Variants in TMEM51 observed in about 807,000 individuals in gnomAD.
TMEM51 encodes transmembrane protein 51.
TMEM51 carries 8 observed loss-of-function variants against 13.6 expected under a neutral mutation model. The ratio of observed to expected loss-of-function variants is 0.59; its 90% CI spans 0.35 to 1.07. The LOEUF is 1.07. TMEM51 is among the 50% of genes least tolerant of loss of function. The probability of loss-of-function intolerance (pLI) is 0.02; values close to 1 mark genes in which losing one functional copy is unlikely to be tolerated. For missense variants in TMEM51, 279 were observed against 330.7 expected (o/e 0.84, Z 1.21); for synonymous variants, 147 against 144.4 (o/e 1.02, Z -0.13).
intron 2 of TMEM51, among the ~76,000 whole-genome samples, chr1:15,211,454 C>G (rs1644336853): frequency 6.6e-6 from 1 of 151,990 alleles, no homozygotes; most frequent in African/African-American, 2.4e-5. Flanking sequence ...TTTTTTTTGT[C>G]TGTTTAAGAA....
At chr1:15,213,324 A>G (rs1255779851) in intron 2 of TMEM51, among the ~76,000 whole-genome samples, 1 of 152,242 alleles carries the variant, frequency 6.6e-6, no homozygotes, top group Non-Finnish European at 1.5e-5. Flanking sequence ...AAAGTGGCCA[A>G]TTTCAGATAA....
intron 1 of TMEM51, among the ~76,000 whole-genome samples, chr1:15,183,827 C>A (rs1005339562): frequency 1.3e-5 from 2 of 152,212 alleles, no homozygotes; most frequent in Non-Finnish European, 2.9e-5. Flanking sequence ...CAACTACTTG[C>A]AAATGTCCGG....
chr1:15,166,348 C>A (rs768575502), intron 1 of TMEM51, among the ~76,000 whole-genome samples: 2 of 152,132 alleles, frequency 1.3e-5, no homozygotes, highest in African/African-American at 2.4e-5. Context: ...GTATCTGGGC[C>A]TCCCTTCTGA....
rs761219788 is a variant in TMEM51 at position 15,161,080 on chromosome 1, C to T, written c.-267+7126C>T. ...CCAAAGGTCTTCCTGGTGGAGGCAA[C>T]TGCCTGTGCAAAGGCCTCAAGGTGT... On this transcript the variant is annotated intron_variant, in intron 1 of 3. Coordinates refer to ENST00000376008, the MANE Select transcript of TMEM51 (RefSeq NM_001136218.2). This position sits in a 1 kb window ranked among gnomAD's most constrained non-coding sequence, Gnocchi z 4.0. 2.6e-5 allele frequency among the ~76,000 whole-genome samples: 4 copies of T among 152,114 alleles called. No individual in the cohort carries two copies. Among genetic ancestry groups the T allele is most frequent in the African/African-American group, 4.8e-5 (2 of 41,330 alleles).
intron 1 of TMEM51, among the ~76,000 whole-genome samples, chr1:15,160,999 A>G (rs1642763537): frequency 6.6e-6 from 1 of 151,952 alleles, no homozygotes; most frequent in Admixed American, 6.6e-5. Context: ...GATTTTCAGA[A>G]AGAGTGCAGT....
intron 1 of TMEM51, among the ~76,000 whole-genome samples, chr1:15,191,602 C>T (rs1453221448): frequency 6.6e-6 from 1 of 152,186 alleles, no homozygotes; most frequent in Non-Finnish European, 1.5e-5. Context: ...TTCATCTGCC[C>T]AAAGCCTCAC....
rs183014970 is a variant in TMEM51, at chr1:15,164,779, C to A, written c.-267+10825C>A. ...CAAAGAGTTGTGTTCTGAATCCATGCGGGAGCTTTGCTTTTTTTTTTTTTT... is the reference window on the plus strand; with the variant it reads ...CAAAGAGTTGTGTTCTGAATCCATGAGGGAGCTTTGCTTTTTTTTTTTTTT... On this transcript the variant is annotated intron_variant, in intron 1 of 3. Coordinates refer to ENST00000376008, the MANE Select transcript of TMEM51 (RefSeq NM_001136218.2). 6.4e-3 allele frequency among the ~76,000 whole-genome samples: 914 copies of A among 142,272 alleles called. 7 individuals are homozygous for A. The highest frequency in any genetic ancestry group is 0.01 in the Non-Finnish European group (689 of 65,648). The allele number at this position is 142,272 out of a possible 152,430, so 93.3% of individuals were successfully genotyped here.
At chr1:15,205,869 G>C (rs928971460) in intron 1 of TMEM51, among the ~76,000 whole-genome samples, 1 of 152,132 alleles carries the variant, frequency 6.6e-6, no homozygotes, top group Admixed American at 6.5e-5. Flanking sequence ...CATGTATCTC[G>C]GTATCCCCCA....
chr1:15,190,294 C>T (rs1285353592), intron 1 of TMEM51, among the ~76,000 whole-genome samples: 1 of 152,152 alleles, frequency 6.6e-6, no homozygotes, highest in Non-Finnish European at 1.5e-5. Context: ...GTGGCTGCTT[C>T]GTGATGACAT....
In TMEM51 at chr1:15,219,750, C is replaced by T. The variant is rs1209285750; in HGVS notation, c.*7C>T. ...CACCCGGCCGCCCGACTGAATGGCC[C>T]CACTTGAGCCACGCTCCCTCCTGTC... On this transcript the variant is annotated 3_prime_UTR_variant, in exon 4 of 4. Transcript: ENST00000376008. 3 of 1,610,838 alleles carry T rather than the reference C, an allele frequency of 1.9e-6. No homozygotes were observed. In the South Asian group the frequency reaches 3.3e-5, roughly 18 times the overall value.
chr1:15,171,205 G>A, intron 1 of TMEM51: 1 of 1,303,748 alleles, frequency 7.7e-7, no homozygotes, highest in South Asian at 1.2e-5. Context: ...CGCTGATGCT[G>A]TTGATTTGGG....
chr1:15,171,499 C>CG (rs1014056606), intron 1 of TMEM51, among the ~76,000 whole-genome samples: 57 of 152,022 alleles, frequency 3.7e-4, no homozygotes, highest in African/African-American at 1.3e-3. Flanking sequence ...CAAGTGTCCG[C>CG]GGGGGGGCCT....
chr1:15,162,305 G>A (rs1412363957), intron 1 of TMEM51, among the ~76,000 whole-genome samples: 3 of 152,034 alleles, frequency 2.0e-5, no homozygotes, highest in African/African-American at 7.3e-5. Flanking sequence ...TGGGATTACA[G>A]GCATGTGCCA....
At chr1:15,200,830 G>A (rs1000981404) in intron 1 of TMEM51, among the ~76,000 whole-genome samples, 3 of 152,170 alleles carry the variant, frequency 2.0e-5, no homozygotes, top group Admixed American at 2.0e-4. Context: ...TGGTTTTCAT[G>A]AAGGGAAAAA....
At chr1:15,176,015 ACT>A (rs1219428618) in intron 1 of TMEM51, among the ~76,000 whole-genome samples, 1 of 151,764 alleles carries the variant, frequency 6.6e-6, no homozygotes, top group Non-Finnish European at 1.5e-5. Context: ...TTCCACCTTG[ACT>A]CTTACATTCT....
rs369981951 is a variant in TMEM51 at position 15,196,447 on chromosome 1, GGAGA to G, written c.-266-14037_-266-14034del. Among the ~76,000 whole-genome samples the G allele has an allele frequency of 4.3e-4, 66 of 152,172 alleles. 1 individual carries two copies. The South Asian group carries it at 0.013, about 30-fold the overall frequency. ...ACACATGTGAAAGAGAGAGGGGGAG[GGAGA>G]GAGAGCTAGTTTACCAGCATACCAC... On this transcript the variant is annotated intron_variant, in intron 1 of 3. Transcript: ENST00000376008.
intron 1 of TMEM51, among the ~76,000 whole-genome samples, chr1:15,193,575 C>CTTTCTTTCTTTTTTTTTTTTTTT (rs1249772503): frequency 1.7e-5 from 2 of 114,656 alleles, no homozygotes; most frequent in African/African-American, 7.1e-5. Flanking sequence ...TTCTTTCTTT[C>CTTTCTTTCTTTTTTTTTTTTTTT]TTTTTTTTTT....
intron 1 of TMEM51, among the ~76,000 whole-genome samples, chr1:15,183,343 G>A (rs536935569): frequency 3.3e-5 from 5 of 152,100 alleles, no homozygotes; most frequent in East Asian, 1.9e-4. Flanking sequence ...AGGCAGTATC[G>A]TGCAGAGGTA....
At chr1:15,158,677 T>C (rs1936948) in intron 1 of TMEM51, among the ~76,000 whole-genome samples, 122,405 of 152,122 alleles carry the variant, frequency 0.8, 49,447 homozygotes, top group East Asian at 0.94. Context: ...GGACACCCCA[T>C]TCTGGGAACA....
Sources: gnomAD v4.1 joint callset for allele counts (sites outside exome capture counted in the v4.1 genomes callset) on GRCh38, gnomAD v4.1.1 for gene constraint, Gnocchi (gnomAD v3.1) non-coding constraint, MANE v1.5 for transcripts, NCBI Gene and HGNC (gene_info 2026-07-23, HGNC 2026-07-21) for gene names.